VWA8: variants seen among roughly 807,000 people sequenced by gnomAD.
VWA8 encodes von Willebrand factor A domain-containing protein 8.
VWA8 carries 221 observed loss-of-function variants against 241.5 expected under a neutral mutation model. The ratio of observed to expected loss-of-function variants is 0.91; its 90% confidence interval spans 0.82 to 1.02. The LOEUF is 1.02. Among genes scored for constraint, VWA8 ranks in the 50% least tolerant of loss-of-function variants. The pLI is 0.00. For synonymous variants in VWA8, 852 were observed against 827.1 expected (o/e 1.03, Z -0.52); for missense variants, 2,322 against 2,328.7 (o/e 1.00, Z 0.06).
chr13:41,857,433 CTAAGA>C (rs1321504993), intron 12 of VWA8, among the ~76,000 whole-genome samples: 19 of 152,072 alleles, frequency 1.2e-4, no homozygotes, highest in Admixed American at 9.8e-4. Context: ...AAGTAACTTA[CTAAGA>C]TAAGGGTTGT....
chr13:41,735,973 T>C (rs2045521518), intron 21 of VWA8, among the ~76,000 whole-genome samples: 1 of 152,156 alleles, frequency 6.6e-6, no homozygotes, highest in Non-Finnish European at 1.5e-5. Flanking sequence ...CCTAAGAGAA[T>C]ATTTTATTTC....
At chr13:41,607,898 G>T (rs1299710689) in intron 39 of VWA8, among the ~76,000 whole-genome samples, 1 of 151,958 alleles carries the variant, frequency 6.6e-6, no homozygotes, top group Non-Finnish European at 1.5e-5. Flanking sequence ...TTAGGACAGG[G>T]AATAATGAAC....
chr13:41,744,495 G>T (rs2045589618), intron 21 of VWA8, among the ~76,000 whole-genome samples: 1 of 152,146 alleles, frequency 6.6e-6, no homozygotes, highest in Non-Finnish European at 1.5e-5. Context: ...ACTAATTTAA[G>T]CCCCTCATCC....
intron 34 of VWA8, among the ~76,000 whole-genome samples, chr13:41,686,405 T>A (rs1466418926): frequency 6.6e-6 from 1 of 152,116 alleles, no homozygotes; most frequent in Non-Finnish European, 1.5e-5. Context: ...TGGTTTTAAT[T>A]TGCATTTCTC....
intron 13 of VWA8, among the ~76,000 whole-genome samples, chr13:41,831,099 G>A (rs1451760390): frequency 6.6e-6 from 1 of 152,124 alleles, no homozygotes; most frequent in Non-Finnish European, 1.5e-5. Context: ...TAACTACATT[G>A]CTCTACATAT....
chr13:41,939,570 C>T (rs1196650234), intron 2 of VWA8, among the ~76,000 whole-genome samples: 1 of 151,890 alleles, frequency 6.6e-6, no homozygotes, highest in Non-Finnish European at 1.5e-5. Context: ...CTGCTGTGCC[C>T]AATGCTGTGC....
chr13:41,957,397 G>A (rs1331832839), intron 1 of VWA8, among the ~76,000 whole-genome samples: 4 of 152,168 alleles, frequency 2.6e-5, no homozygotes, highest in Non-Finnish European at 5.9e-5. Flanking sequence ...TTGAGTCCAT[G>A]AAACCTCTTT....
At chr13:41,572,797 T>TAAAAAAAAAAAAAAAAA (rs869088660) in intron 43 of VWA8, among the ~76,000 whole-genome samples, 1 of 67,786 alleles carries the variant, frequency 1.5e-5, no homozygotes. Context: ...CAATAAATAC[T>TAAAAAAAAAAAAAAAAA]AAAAAAAAAA....
chr13:41,837,667 C>A (rs1016422996), intron 12 of VWA8, among the ~76,000 whole-genome samples: 35 of 152,116 alleles, frequency 2.3e-4, no homozygotes, highest in African/African-American at 8.2e-4. Flanking sequence ...AAATATATAT[C>A]ATTTCCTCAT....
At chr13:41,572,875 C>T (rs985213701) in intron 43 of VWA8, among the ~76,000 whole-genome samples, 4 of 149,222 alleles carry the variant, frequency 2.7e-5, no homozygotes, top group African/African-American at 7.4e-5. Context: ...TTTGGGAGGC[C>T]GAGGCTGGCA....
chr13:41,956,792 AAAAT>A (rs1448613135), intron 1 of VWA8, among the ~76,000 whole-genome samples: 1 of 152,234 alleles, frequency 6.6e-6, no homozygotes, highest in African/African-American at 2.4e-5. Context: ...ATGAGACAGT[AAAAT>A]AAATTATATG....
chr13:41,918,407 T>C (rs1311271970), intron 2 of VWA8, among the ~76,000 whole-genome samples: 1 of 152,208 alleles, frequency 6.6e-6, no homozygotes, highest in Non-Finnish European at 1.5e-5. Flanking sequence ...CCATATTCAA[T>C]GACTAAGTGT....
intron 12 of VWA8, among the ~76,000 whole-genome samples, chr13:41,842,375 T>G (rs1271670640): frequency 6.6e-6 from 1 of 152,228 alleles, no homozygotes; most frequent in Admixed American, 6.5e-5. Flanking sequence ...TTTAAAGAAC[T>G]ATTTTTAACC....
chr13:41,902,359 C>T (rs937225201), intron 4 of VWA8, among the ~76,000 whole-genome samples: 1 of 152,130 alleles, frequency 6.6e-6, no homozygotes, highest in African/African-American at 2.4e-5. Flanking sequence ...AACATATGCA[C>T]ATAGAAAGAA....
chr13:41,751,182 G>C (rs1274467183), intron 21 of VWA8, among the ~76,000 whole-genome samples: 1 of 152,066 alleles, frequency 6.6e-6, no homozygotes, highest in African/African-American at 2.4e-5. Flanking sequence ...AGATCATCTA[G>C]AGGAGTCAAA....
chr13:41,718,288 G>T (rs999045287), intron 26 of VWA8, among the ~76,000 whole-genome samples: 12 of 151,796 alleles, frequency 7.9e-5, no homozygotes, highest in African/African-American at 2.9e-4. Flanking sequence ...GCATATTAAA[G>T]AAAATTTATA....
At chr13:41,843,397 TTCAAA>T (rs1872142689) in intron 12 of VWA8, among the ~76,000 whole-genome samples, 2 of 152,022 alleles carry the variant, frequency 1.3e-5, no homozygotes, top group South Asian at 4.1e-4. Context: ...TTAGAAAAAC[TTCAAA>T]TCAACAATCT....
At chr13:41,606,083 C>T (rs1400364357) in intron 39 of VWA8, among the ~76,000 whole-genome samples, 1 of 152,086 alleles carries the variant, frequency 6.6e-6, no homozygotes, top group Non-Finnish European at 1.5e-5. Context: ...TCAATGATTG[C>T]CTCCTCCAGG....
chr13:41,914,890 T>C (rs1331589765), intron 2 of VWA8, among the ~76,000 whole-genome samples: 1 of 152,222 alleles, frequency 6.6e-6, no homozygotes, highest in Non-Finnish European at 1.5e-5. Flanking sequence ...TTATGACTAT[T>C]GGTAACTGTT....
Sources: gnomAD v4.1 joint callset for allele counts (sites outside exome capture counted in the v4.1 genomes callset) on GRCh38, gnomAD v4.1.1 for gene constraint, MANE v1.5 for transcripts, NCBI Gene and HGNC (gene_info 2026-07-23, HGNC 2026-07-21) for gene names.